Variants in SV2C observed in about 807,000 individuals in gnomAD.
SV2C encodes the protein synaptic vesicle glycoprotein 2C.
In SV2C, 49 loss-of-function variants were observed where a neutral mutation model predicts 79.7. The ratio of observed to expected loss-of-function variants is 0.61; its 90% CI spans 0.49 to 0.78. The LOEUF (loss-of-function observed/expected upper bound fraction) is 0.78. Ranked by LOEUF, SV2C falls within the 30% of genes least tolerant of loss-of-function variation. The probability of loss-of-function intolerance (pLI) is 0.00; values close to 1 mark genes in which losing one functional copy is unlikely to be tolerated. For missense variants in SV2C, 833 were observed against 912.9 expected, an observed-to-expected ratio of 0.91 and a Z score of 1.13; for synonymous variants, 334 against 333.2, an observed-to-expected ratio of 1.00 and a Z score of -0.03.
intron 6 of SV2C, among the ~76,000 whole-genome samples, chr5:76,288,120 GTC>G (rs965468994): frequency 1.1e-4 from 16 of 150,552 alleles, no homozygotes; most frequent in African/African-American, 3.7e-4. Context: ...AAAATGTTTT[GTC>G]TACAGTAGGT....
the SV2C span, among the ~76,000 whole-genome samples, chr5:75,882,940 A>G: frequency 6.6e-6 from 1 of 151,786 alleles, no homozygotes; most frequent in East Asian, 1.9e-4. Flanking sequence ...CAACCTACTC[A>G]TCTGACAAAG....
chr5:76,268,896 A>G (rs1746753260), intron 4 of SV2C, among the ~76,000 whole-genome samples: 2 of 152,236 alleles, frequency 1.3e-5, no homozygotes, highest in South Asian at 4.1e-4. Context: ...TTATAATTGC[A>G]TAGCAAAAAC....
At chr5:76,011,830 A>G in the SV2C span, among the ~76,000 whole-genome samples, 4 of 152,082 alleles carry the variant, frequency 2.6e-5, no homozygotes, top group African/African-American at 9.7e-5. Flanking sequence ...CTCATTGTTC[A>G]GCTCCCACTT....
chr5:75,992,811 A>G, the SV2C span, among the ~76,000 whole-genome samples: 4 of 152,112 alleles, frequency 2.6e-5, no homozygotes, highest in African/African-American at 9.7e-5. Flanking sequence ...AAATTATAGA[A>G]TAGGGGCAGT....
the SV2C span, among the ~76,000 whole-genome samples, chr5:75,997,945 T>C: frequency 6.6e-6 from 1 of 151,510 alleles, no homozygotes; most frequent in Non-Finnish European, 1.5e-5. Flanking sequence ...CCAACCCAAA[T>C]GTCCAACAAT....
the SV2C span, among the ~76,000 whole-genome samples, chr5:76,061,268 TAAAAAAAAAA>T: frequency 3.9e-5 from 2 of 51,618 alleles, no homozygotes; most frequent in African/African-American, 1.8e-4. Context: ...CTTCAATTTG[TAAAAAAAAAA>T]AAAAAAAAAA....
chr5:75,908,927 CAAT>C, the SV2C span, among the ~76,000 whole-genome samples: 1 of 152,186 alleles, frequency 6.6e-6, no homozygotes, highest in South Asian at 2.1e-4. Flanking sequence ...TGATATTCAA[CAAT>C]GTCATTCAGT....
intron 4 of SV2C, among the ~76,000 whole-genome samples, chr5:76,256,280 C>T (rs10462538): frequency 0.26 from 39,674 of 152,076 alleles, 5,561 homozygotes; most frequent in Admixed American, 0.31. Context: ...TGAGTGAATG[C>T]GAGCCCTGGA....
At chr5:75,849,492 G>A in the SV2C span, among the ~76,000 whole-genome samples, 1 of 152,110 alleles carries the variant, frequency 6.6e-6, no homozygotes. Context: ...CCAACAGTGT[G>A]GTATACATTT....
intron 4 of SV2C, among the ~76,000 whole-genome samples, chr5:76,256,455 T>G (rs1264063417): frequency 6.6e-6 from 1 of 152,148 alleles, no homozygotes; most frequent in Non-Finnish European, 1.5e-5. Flanking sequence ...GAACCCAGGG[T>G]GCCCTCAAGT....
the SV2C span, among the ~76,000 whole-genome samples, chr5:76,044,080 A>G: frequency 6.6e-6 from 1 of 151,964 alleles, no homozygotes; most frequent in African/African-American, 2.4e-5. Context: ...TCCCTCCAAC[A>G]GGCCCCAGTG....
chr5:75,920,770 C>T, the SV2C span: 18 of 780,046 alleles, frequency 2.3e-5, no homozygotes, highest in African/African-American at 1.0e-4. Flanking sequence ...TCTTGGGTCC[C>T]GTTGGGGTGC....
chr5:76,286,815 G>A (rs1238099356), intron 6 of SV2C: 1 of 152,142 alleles, frequency 6.6e-6, no homozygotes, highest in Non-Finnish European at 1.5e-5. Context: ...TGAGCAAAAG[G>A]GAGAAAATCC....
At chr5:76,235,677 TAA>T (rs1311709881) in intron 4 of SV2C, among the ~76,000 whole-genome samples, 1 of 148,600 alleles carries the variant, frequency 6.7e-6, no homozygotes, top group Non-Finnish European at 1.5e-5. Context: ...CTTAGTGCAA[TAA>T]AAAAAGGGAT....
intron 2 of SV2C, among the ~76,000 whole-genome samples, chr5:76,133,936 C>T (rs1278821377): frequency 6.6e-6 from 1 of 151,964 alleles, no homozygotes; most frequent in Non-Finnish European, 1.5e-5. Flanking sequence ...TTAATAATTG[C>T]CAGCTTAAAT....
Position 76,332,996 on chromosome 5 carries a change from C to G in SV2C, c.*7449C>G, listed in dbSNP as rs1476052918. 1 of 152,214 alleles carries G rather than the reference C, an allele frequency of 6.6e-6. No individual in the cohort carries two copies. The highest frequency in any genetic ancestry group is 1.5e-5 in the Non-Finnish European group (1 of 68,036). 9.4% of individuals were successfully genotyped at this position (152,214 alleles called of 1,614,324 possible). A position where few individuals can be genotyped will look rare whatever the true frequency, so the allele number is the denominator to read the frequency against. On this transcript the variant is annotated 3_prime_UTR_variant, in exon 13 of 13. Transcript: ENST00000502798. ...AATAGGACCCAGTACAGAGAATCCA[C>G]TGTTATCTATGGGTGTCATTCCTTC...
chr5:76,187,038 G>A (rs565240466), intron 2 of SV2C, among the ~76,000 whole-genome samples: 7 of 152,222 alleles, frequency 4.6e-5, no homozygotes, highest in South Asian at 2.1e-4. Flanking sequence ...GGAGAACCTC[G>A]CAAGGGATGG....
intron 4 of SV2C, among the ~76,000 whole-genome samples, chr5:76,230,520 A>AT (rs1745380239): frequency 6.6e-6 from 1 of 152,202 alleles, no homozygotes; most frequent in East Asian, 1.9e-4. Flanking sequence ...ATAACATAGC[A>AT]TGGCTGGGCG....
At chr5:76,250,670 C>G (rs998463624) in intron 4 of SV2C, among the ~76,000 whole-genome samples, 1 of 152,208 alleles carries the variant, frequency 6.6e-6, no homozygotes, top group African/African-American at 2.4e-5. Context: ...TGAGAAGGGT[C>G]TCCGCTCCTG....
Sources: gnomAD v4.1 joint callset for allele counts (sites outside exome capture counted in the v4.1 genomes callset) on GRCh38, gnomAD v4.1.1 for gene constraint, MANE v1.5 for transcripts, NCBI Gene and HGNC (gene_info 2026-07-23, HGNC 2026-07-21) for gene names.